The following MEGF11 variants were observed in gnomAD, a reference collection of about 807,000 sequenced individuals.
MEGF11 encodes multiple EGF like domains 11.
Under a neutral mutation model 146.6 loss-of-function variants are expected in MEGF11, and 126 were observed. The observed-to-expected ratio is 0.86, with a 90% CI of 0.74 to 1.00. The LOEUF (loss-of-function observed/expected upper bound fraction) is 1.00, where lower values mean the gene tolerates loss of function less well. Among genes scored for constraint, MEGF11 ranks in the 50% least tolerant of loss-of-function variants. MEGF11 has a pLI of 0.00. For missense variants in MEGF11, 1,509 were observed against 1,521.2 expected (o/e 0.99, Z 0.13); for synonymous variants, 532 against 583.4 (o/e 0.91, Z 1.27).
intron 1 of MEGF11, among the ~76,000 whole-genome samples, chr15:66,135,961 T>G (rs2088868773): frequency 6.6e-6 from 1 of 152,304 alleles, no homozygotes; most frequent in East Asian, 1.9e-4. Flanking sequence ...CTCTGTAAGC[T>G]TACCTATGAA....
At chr15:66,092,190 A>G (rs1168859836) in intron 5 of MEGF11, among the ~76,000 whole-genome samples, 1 of 152,232 alleles carries the variant, frequency 6.6e-6, no homozygotes, top group African/African-American at 2.4e-5. Flanking sequence ...GGGCTTCCGA[A>G]AGAGGTAGTG....
chr15:66,078,636 C>T (rs145771588), intron 5 of MEGF11, among the ~76,000 whole-genome samples: 6 of 152,304 alleles, frequency 3.9e-5, no homozygotes, highest in Non-Finnish European at 7.4e-5. Flanking sequence ...GGGTGCAGTT[C>T]GTGAGTCCCC....
chr15:65,954,658 C>T (rs1242517505), intron 10 of MEGF11, among the ~76,000 whole-genome samples: 1 of 152,226 alleles, frequency 6.6e-6, no homozygotes, highest in Non-Finnish European at 1.5e-5. Flanking sequence ...AGTGAGATGA[C>T]TCTGGCATGC....
chr15:66,093,469 C>G (rs148473673), intron 5 of MEGF11, among the ~76,000 whole-genome samples: 1 of 152,148 alleles, frequency 6.6e-6, no homozygotes, highest in South Asian at 2.1e-4. Flanking sequence ...GGCGAATAAT[C>G]GGGCTTAGAT....
chr15:66,038,741 G>C (rs746558050), intron 5 of MEGF11, among the ~76,000 whole-genome samples: 30 of 152,156 alleles, frequency 2.0e-4, no homozygotes, highest in Non-Finnish European at 3.7e-4. Context: ...TCTGAGTCCT[G>C]TGTTCTTCCC....
chr15:66,028,895 GATTT>G (rs773976848), intron 5 of MEGF11, among the ~76,000 whole-genome samples: 28 of 152,310 alleles, frequency 1.8e-4, no homozygotes, highest in South Asian at 1.0e-3. Flanking sequence ...GACTAGAGGT[GATTT>G]ATTTTTGTTT....
At chr15:66,013,204 A>T (rs1285364503) in intron 5 of MEGF11, among the ~76,000 whole-genome samples, 2 of 152,174 alleles carry the variant, frequency 1.3e-5, no homozygotes, top group African/African-American at 4.8e-5. Flanking sequence ...GGCAGAGTTC[A>T]TCTTGTTCTC....
intron 5 of MEGF11, among the ~76,000 whole-genome samples, chr15:66,087,549 A>T (rs1244643661): frequency 2.0e-5 from 3 of 152,274 alleles, no homozygotes; most frequent in African/African-American, 7.2e-5. Context: ...ATACATGGAC[A>T]TTAAATAACC....
chr15:66,034,604 G>A (rs1597013062), intron 5 of MEGF11, among the ~76,000 whole-genome samples: 1 of 152,036 alleles, frequency 6.6e-6, no homozygotes, highest in Admixed American at 6.6e-5. Context: ...ATTTTTTGTA[G>A]AGATGGGGTC....
chr15:66,060,367 C>T (rs552289942), intron 5 of MEGF11, among the ~76,000 whole-genome samples: 18 of 152,302 alleles, frequency 1.2e-4, no homozygotes, highest in African/African-American at 4.1e-4. Flanking sequence ...CTTGAGACCC[C>T]CAAGCCAAAC....
chr15:66,065,570 C>T (rs1046131351), intron 5 of MEGF11, among the ~76,000 whole-genome samples: 2 of 152,154 alleles, frequency 1.3e-5, no homozygotes, highest in South Asian at 2.1e-4. Context: ...AGCCCACAGC[C>T]GTGGTCCTTG....
intron 10 of MEGF11, among the ~76,000 whole-genome samples, chr15:65,939,029 G>A (rs372622482): frequency 2.6e-5 from 4 of 152,308 alleles, no homozygotes; most frequent in East Asian, 1.9e-4. Context: ...ATTGGAGGAG[G>A]ATGGAAAGTG....
intron 1 of MEGF11, among the ~76,000 whole-genome samples, chr15:66,180,804 C>T (rs16949618): frequency 0.098 from 14,853 of 152,198 alleles, 1,012 homozygotes; most frequent in African/African-American, 0.19. Flanking sequence ...TCTAGCTCTA[C>T]GGCCACAATT....
chr15:65,909,727 C>A lies in MEGF11; in HGVS notation c.2896+13G>T. 1 of 1,565,702 alleles carries A rather than the reference C, an allele frequency of 6.4e-7. No homozygotes were observed. ...GACATGATGGTGGGGACCAGACTCACACCACTACTGACCTAACACGTTCAC... is the reference window on the plus strand; with the variant it reads ...GACATGATGGTGGGGACCAGACTCAAACCACTACTGACCTAACACGTTCAC... On this transcript the variant is annotated intron_variant, in intron 22 of 25. Coordinates refer to ENST00000395614, the MANE Select transcript of MEGF11 (RefSeq NM_001385028.1).
chr15:65,951,141 A>G (rs570861535), intron 10 of MEGF11, among the ~76,000 whole-genome samples: 1 of 152,380 alleles, frequency 6.6e-6, no homozygotes, highest in South Asian at 2.1e-4. Flanking sequence ...CACAGTGGAA[A>G]CAAAGGGATG....
chr15:66,170,168 G>A (rs2090208782), intron 1 of MEGF11, among the ~76,000 whole-genome samples: 1 of 152,224 alleles, frequency 6.6e-6, no homozygotes, highest in South Asian at 2.1e-4. Context: ...GAAGGCCTGA[G>A]TCAGAACCTG....
intron 5 of MEGF11, among the ~76,000 whole-genome samples, chr15:65,987,857 T>C (rs1255794134): frequency 2.0e-5 from 3 of 151,702 alleles, no homozygotes; most frequent in Non-Finnish European, 2.9e-5. Context: ...ATTATAGGCA[T>C]GCGCCACCAT....
chr15:66,094,741 C>T (rs183473552), intron 4 of MEGF11, among the ~76,000 whole-genome samples: 49 of 152,284 alleles, frequency 3.2e-4, no homozygotes, highest in Admixed American at 2.7e-3. Flanking sequence ...GCTGGAGAAG[C>T]GGTAACTCCG....
At chr15:66,129,200 G>T (rs576389421) in intron 1 of MEGF11, among the ~76,000 whole-genome samples, 1 of 152,360 alleles carries the variant, frequency 6.6e-6, no homozygotes, top group South Asian at 2.1e-4. Flanking sequence ...CTCACAGAGG[G>T]CAGACAACCT....
Sources: gnomAD v4.1 joint callset for allele counts (sites outside exome capture counted in the v4.1 genomes callset) on GRCh38, gnomAD v4.1.1 for gene constraint, MANE v1.5 for transcripts, NCBI Gene and HGNC (gene_info 2026-07-23, HGNC 2026-07-21) for gene names.